The following SZT2 variants were observed in gnomAD, a reference collection of about 807,000 sequenced individuals.
The protein encoded by SZT2 is SZT2 subunit of KICSTOR complex, also known as KICSTOR complex protein SZT2.
A neutral mutation model predicts 404.2 loss-of-function variants in SZT2; 216 were observed. The observed-to-expected ratio is 0.53, with a 90% confidence interval of 0.48 to 0.60. The LOEUF (loss-of-function observed/expected upper bound fraction) is 0.60, where lower values mean the gene tolerates loss of function less well. Ranked by LOEUF, SZT2 falls within the 20% of genes least tolerant of loss-of-function variation. SZT2 has a pLI of 0.00. For synonymous variants in SZT2, 1,693 were observed against 1,749.9 expected (o/e 0.97, Z 0.81); for missense variants, 3,857 against 4,459.2 (o/e 0.86, Z 3.85).
rs765195088 is a variant in SZT2 at position 43,427,637 on chromosome 1, C to T, written c.3706C>T (p.Arg1236Trp). Residue 1236 changes from arginine to tryptophan, a missense_variant, in exon 26 of 72, where the codon CGG (arginine) becomes TGG (tryptophan). Around this residue, in one of 7 missense-constraint regions of SZT2, gnomAD observed 1,725 missense variants for 1,881.0 expected, o/e 0.92. Coordinates refer to ENST00000634258, the MANE Select transcript of SZT2 (RefSeq NM_001365999.1). The part of the protein sequence containing the change: ...QTESADGPRT[R>W]CPVYIYSCSL... ...AGAGAGTGCGGATGGGCCCCGGACC[C>T]GGTGTCCTGTCTACATCTACAGCTG... 8.1e-6 allele frequency: 13 copies of T among 1,614,214 alleles called. No homozygotes were observed. The highest frequency in any genetic ancestry group is 2.2e-5 in the East Asian group (1 of 44,882).
chr1:43,454,149 T>A lies in SZT2; in HGVS notation c.*3669T>A. On this transcript the variant is annotated 3_prime_UTR_variant, in exon 72 of 72. Transcript: ENST00000634258. ...GGTTGCAATGATGGGACGCGCACTT[T>A]AATACTGAGTCTTTCCTCTGATTAT... 4.3e-6 allele frequency: 2 copies of A among 460,702 alleles called. No homozygotes were observed. The highest frequency in any genetic ancestry group is 5.9e-6 in the Non-Finnish European group (2 of 337,714). The allele number at this position is 460,702 out of a possible 1,614,324, so 28.5% of individuals were successfully genotyped here.
At chr1:43,395,647 C>T (rs1472150586) in intron 1 of SZT2, among the ~76,000 whole-genome samples, 2 of 152,204 alleles carry the variant, frequency 1.3e-5, no homozygotes, top group Admixed American at 1.3e-4. Context: ...GGAGCACTTA[C>T]TCAGTGTGTA....
At chr1:43,433,402 G>A (rs1654135047) in intron 40 of SZT2, among the ~76,000 whole-genome samples, 1 of 152,184 alleles carries the variant, frequency 6.6e-6, no homozygotes, top group Admixed American at 6.5e-5. Context: ...GATGAGAGTC[G>A]AAAAGCTGAT....
rs1655018171 is a variant in SZT2 at position 43,441,153 on chromosome 1, C to T, written c.7345-61C>T. 7.0e-6 allele frequency: 11 copies of T among 1,571,994 alleles called. No homozygotes were observed. The South Asian group carries it at 8.2e-5, about 12-fold the overall frequency. The stretch of plus-strand genomic sequence containing the variant: ...CCTAGCTCACTGCTGTTCCATAGTG[C>T]CCCCATCCCACACCTTTCCTCTTCC... On this transcript the variant is annotated intron_variant, in intron 52 of 71. Transcript: ENST00000634258. This position sits in a 1 kb window ranked among gnomAD's most constrained non-coding sequence, Gnocchi z 4.8.
chr1:43,448,400 AG>A lies in SZT2; in HGVS notation c.9891del (p.Arg3298AlafsTer11). ...EPPGPDRLRLGGRLALAELEE... is the reference protein window; with the variant it reads ...EPPGPDRLRLXGRLALAELEE... Reference sequence around the variant, plus strand: ...CACCGGGGCCTGATCGACTGCGGCTAGGGGGGCGCCTGGCCCTGGCAGAGCT... The same window carrying A: ...CACCGGGGCCTGATCGACTGCGGCTAGGGGGCGCCTGGCCCTGGCAGAGCT... On this transcript the variant is annotated frameshift_variant, in exon 69 of 72. Coordinates refer to ENST00000634258, the MANE Select transcript of SZT2 (RefSeq NM_001365999.1). LOFTEE classifies it high-confidence loss of function. This position sits in a 1 kb window ranked among gnomAD's most constrained non-coding sequence, Gnocchi z 4.2. The A allele has an allele frequency of 1.3e-6, 2 of 1,578,614 alleles. No homozygotes were observed. The highest frequency in any genetic ancestry group is 1.1e-5 in the South Asian group (1 of 87,652).
At chr1:43,436,750 C>T (rs1570693332) in intron 42 of SZT2, 1 of 176,082 alleles carries the variant, frequency 5.7e-6, no homozygotes, top group Non-Finnish European at 1.2e-5. Context: ...AAAGTTTATC[C>T]CTCCTCTGCA....
In SZT2 at chr1:43,441,067, C is replaced by T; in HGVS notation, c.7345-147C>T. On this transcript the variant is annotated intron_variant, in intron 52 of 71. Coordinates refer to ENST00000634258, the MANE Select transcript of SZT2 (RefSeq NM_001365999.1). This position sits in a 1 kb window ranked among gnomAD's most constrained non-coding sequence, Gnocchi z 4.8. ...AGGCTCAGGAAAGTTAGGTAACCTG[C>T]CCAAGGCTCCTTAGCCAGCCCCTGG... 1.0e-6 allele frequency: 1 copy of T among 996,196 alleles called. No individual in the cohort carries two copies. Among genetic ancestry groups the T allele is most frequent in the Non-Finnish European group, 1.5e-6 (1 of 670,838 alleles). 61.7% of individuals were successfully genotyped at this position (996,196 alleles called of 1,614,324 possible).
At chr1:43,396,891 T>C (rs944258234) in intron 1 of SZT2, among the ~76,000 whole-genome samples, 1 of 152,104 alleles carries the variant, frequency 6.6e-6, no homozygotes, top group Non-Finnish European at 1.5e-5. Flanking sequence ...AAAAATAGAA[T>C]AGCTTACCTT....
In SZT2 at chr1:43,443,337, G is replaced by A. The variant is rs199721995; in HGVS notation, c.8500-15G>A. The A allele has an allele frequency of 9.2e-5, 149 of 1,614,140 alleles. No homozygotes were observed. In the African/African-American group the frequency reaches 1.9e-3, roughly 20 times the overall value. ...GCCCCGTCACTGCTCCATGCTCACTGCCCTGTTTCCCCAGGCTGGAGAGCT... is the reference window on the plus strand; with the variant it reads ...GCCCCGTCACTGCTCCATGCTCACTACCCTGTTTCCCCAGGCTGGAGAGCT... On this transcript the variant is annotated splice_polypyrimidine_tract_variant and intron_variant, in intron 60 of 71. Coordinates refer to ENST00000634258, the MANE Select transcript of SZT2 (RefSeq NM_001365999.1).
At chr1:43,446,723 G>A in intron 65 of SZT2, 1 of 618,548 alleles carries the variant, frequency 1.6e-6, no homozygotes, top group Non-Finnish European at 2.8e-6. Flanking sequence ...AGAGCAAAAT[G>A]GCCCAGTTTC....
At chr1:43,421,011 C>T (rs1652293154) in intron 10 of SZT2, 28 bp downstream of exon 10, 1 of 1,591,520 alleles carries the variant, frequency 6.3e-7, no homozygotes, top group African/African-American at 1.3e-5. Context: ...TCAATGAGTG[C>T]TGCCCCATTT....
rs117341714 is a variant in SZT2, at chr1:43,408,173, G to A, written c.498+3623G>A. ...ATGGAACTTTCTTCTAATTTTGTGAGTGTGTCTTTATCCTCCCTCACCTCC... is the reference window on the plus strand; with the variant it reads ...ATGGAACTTTCTTCTAATTTTGTGAATGTGTCTTTATCCTCCCTCACCTCC... On this transcript the variant is annotated intron_variant, in intron 4 of 71. Coordinates refer to ENST00000634258, the MANE Select transcript of SZT2 (RefSeq NM_001365999.1). 1.3e-3 allele frequency among the ~76,000 whole-genome samples: 205 copies of A among 152,162 alleles called. No individual in the cohort carries two copies. In the East Asian group the frequency reaches 0.026, roughly 19 times the overall value.
rs1656578410 is a variant in SZT2, at chr1:43,452,741, C to G, written c.*2261C>G. The G allele has an allele frequency of 1.5e-6, 1 of 687,690 alleles. No individual in the cohort carries two copies. Among genetic ancestry groups the G allele is most frequent in the Non-Finnish European group, 2.5e-6 (1 of 397,256 alleles). 42.6% of individuals were successfully genotyped at this position (687,690 alleles called of 1,614,324 possible). On this transcript the variant is annotated 3_prime_UTR_variant, in exon 72 of 72. Transcript: ENST00000634258. Reference sequence around the variant, plus strand: ...CCCCCACCATTGACCAGTAGTGATCCCCTCTTGCCAGTTCCTTCTGAGCCT... The same window carrying G: ...CCCCCACCATTGACCAGTAGTGATCGCCTCTTGCCAGTTCCTTCTGAGCCT...
Position 43,424,896 on chromosome 1 carries a change from A to G in SZT2, c.2550+34A>G. 3 of 1,602,392 alleles carry G rather than the reference A, an allele frequency of 1.9e-6. No individual in the cohort carries two copies. Among genetic ancestry groups the G allele is most frequent in the South Asian group, 1.1e-5 (1 of 90,736 alleles). On this transcript the variant is annotated intron_variant, in intron 17 of 71. Coordinates refer to ENST00000634258, the MANE Select transcript of SZT2 (RefSeq NM_001365999.1). This position sits in a 1 kb window ranked among gnomAD's most constrained non-coding sequence, Gnocchi z 4.1. ...CATCCCCCATGACACCTCCCTGCCAAGGTCTGTCATAATCCCAGGGACACT... is the reference window on the plus strand; with the variant it reads ...CATCCCCCATGACACCTCCCTGCCAGGGTCTGTCATAATCCCAGGGACACT...
rs972175387 is a variant in SZT2 at position 43,422,651 on chromosome 1, C to A, written c.1922+19C>A. 3.3e-6 allele frequency: 5 copies of A among 1,502,698 alleles called. No individual in the cohort carries two copies. In the South Asian group the frequency reaches 3.9e-5, roughly 12 times the overall value. 93.1% of individuals were successfully genotyped at this position (1,502,698 alleles called of 1,614,324 possible). A position where few individuals can be genotyped will look rare whatever the true frequency, so the allele number is the denominator to read the frequency against. On this transcript the variant is annotated intron_variant, in intron 13 of 71. Coordinates refer to ENST00000634258, the MANE Select transcript of SZT2 (RefSeq NM_001365999.1). ...TCTCCAGGTGGGCAAAGTGATGTCC[C>A]TTCACCCCCCGCCCCCCCACCCCCC...
rs1652964269 is a variant in SZT2, at chr1:43,424,949, G to A, written c.2550+87G>A. On this transcript the variant is annotated intron_variant, in intron 17 of 71. Coordinates refer to ENST00000634258, the MANE Select transcript of SZT2 (RefSeq NM_001365999.1). The surrounding 1 kb of genome is among the most constrained non-coding windows in gnomAD (Gnocchi z 4.1). The stretch of plus-strand genomic sequence containing the variant: ...CCTCTGAGCTGGGTTGGGACTGCTG[G>A]AAACTGCCTCACAGGGACCCTGTGG... 8 of 1,522,008 alleles carry A rather than the reference G, an allele frequency of 5.3e-6. No individual in the cohort carries two copies. Among genetic ancestry groups the A allele is most frequent in the Middle Eastern group, 3.4e-4 (2 of 5,858 alleles). 94.3% of individuals were successfully genotyped at this position (1,522,008 alleles called of 1,614,324 possible).
At chr1:43,411,041 G>A (rs901362065) in intron 4 of SZT2, among the ~76,000 whole-genome samples, 1 of 152,194 alleles carries the variant, frequency 6.6e-6, no homozygotes, top group Non-Finnish European at 1.5e-5. Flanking sequence ...CAGCTGAATT[G>A]GTGACTGTAA....
Position 43,443,814 on chromosome 1 carries a change from T to C in SZT2, c.8825+18T>C, listed in dbSNP as rs1655361621. 1.9e-6 allele frequency: 3 copies of C among 1,612,546 alleles called. No homozygotes were observed. The East Asian group carries it at 6.7e-5, about 36-fold the overall frequency. Reference sequence around the variant, plus strand: ...GCCCGCAGGTGAGCCCGTCCCTGTTTTCCCTTCTGTCTTCTCCTCCTGCAC... The same window carrying C: ...GCCCGCAGGTGAGCCCGTCCCTGTTCTCCCTTCTGTCTTCTCCTCCTGCAC... On this transcript the variant is annotated intron_variant, in intron 62 of 71. Coordinates refer to ENST00000634258, the MANE Select transcript of SZT2 (RefSeq NM_001365999.1).
At position 43,451,209 on chromosome 1, in the gene SZT2, C is replaced by T; in HGVS notation, c.*729C>T. ...GAGGAGATGGGATGTCACTCGCTGT[C>T]TGGAGGCACGTGGGTGGTGTGCGGG... is the stretch of plus-strand genomic sequence containing the variant. On this transcript the variant is annotated 3_prime_UTR_variant, in exon 72 of 72. Transcript: ENST00000634258. The T allele has an allele frequency of 2.5e-6, 4 of 1,607,880 alleles. No homozygotes were observed. The highest frequency in any genetic ancestry group is 3.4e-6 in the Non-Finnish European group (4 of 1,174,438).
Sources: allele counts gnomAD v4.1 joint callset (sites outside exome capture counted in the v4.1 genomes callset), GRCh38; gene constraint gnomAD v4.1.1; regional missense constraint gnomAD v4.1.1; non-coding constraint Gnocchi (gnomAD v3.1); transcripts MANE v1.5; gene names NCBI Gene and HGNC (gene_info 2026-07-23, HGNC 2026-07-21).